PGK2: variants seen among roughly 807,000 people sequenced by gnomAD.
The protein encoded by PGK2 is phosphoglycerate kinase 2, also known as epididymis secretory protein Li 272.
Under a neutral mutation model 5.2 loss-of-function variants are expected in PGK2, and 5 were observed. The observed-to-expected ratio is 0.96, with a 90% CI of 0.50 to 2.01. The LOEUF (loss-of-function observed/expected upper bound fraction) is 2.01. PGK2 is among the 30% of genes most tolerant of loss of function. The pLI is 0.01. For synonymous variants in PGK2, 210 were observed against 182.6 expected (o/e 1.15, Z -1.21); for missense variants, 588 against 506.8 (o/e 1.16, Z -1.54).
rs778541738 is a variant in PGK2, at chr6:49,786,557, T to C, written c.631A>G (p.Ile211Val). 2 of 1,614,128 alleles carry C rather than the reference T, an allele frequency of 1.2e-6. No homozygotes were observed. Among genetic ancestry groups the C allele is most frequent in the Non-Finnish European group, 1.7e-6 (2 of 1,179,996 alleles). ...TCTGCCACTTTGGCTCCACCAAGTA[T>C]AGCCAGAAAGGGTCTCACTGGGTTT... is the stretch of plus-strand genomic sequence containing the variant. ...LENPVRPFLA[I>V]LGGAKVADKI... The change falls in exon 1 of 1, where the codon ATA (isoleucine) becomes GTA (valine). Residue 211 changes from isoleucine to valine, a missense_variant. Ile to Val is a conservative substitution (Grantham distance 29). Transcript: ENST00000304801.
Position 49,786,785 on chromosome 6 carries a change from G to T in PGK2, c.403C>A (p.Pro135Thr), listed in dbSNP as rs202129542. 76 of 1,613,978 alleles carry T rather than the reference G, an allele frequency of 4.7e-5. No individual in the cohort carries two copies. The highest frequency in any genetic ancestry group is 6.7e-5 in the African/African-American group (5 of 74,892). Residue 135 changes from proline (P) to threonine (T), a missense_variant, in exon 1 of 1, where the codon CCC becomes ACC. By Grantham distance (38) the Pro-to-Thr change is conservative. Coordinates refer to ENST00000304801, the MANE Select transcript of PGK2 (RefSeq NM_138733.5). ...TCAGCTTTAATCTTCTTTCCAGAGG[G>T]ATCTTGGCCCTTCCCTTCTTCCTCC... ...HVEEEGKGQD[P>T]SGKKIKAEPD...
rs200172498 is a variant in PGK2, at chr6:49,786,227, T to G, written c.961A>C (p.Asn321His). Residue 321 changes from asparagine (N) to histidine (H), a missense_variant, in exon 1 of 1, where the codon AAC (asparagine) becomes CAC (histidine). Physicochemically the swap from Asn to His is moderately conservative, Grantham distance 68. Transcript: ENST00000304801. The part of the protein sequence containing the change: ...WMGLDCGPES[N>H]KNHAQVVAQA... ...GCCACAACTTGAGCATGATTCTTGT[T>G]GCTCTCAGGACCACAGTCCAAACCC... is the stretch of plus-strand genomic sequence containing the variant. 8.9e-5 allele frequency: 143 copies of G among 1,614,096 alleles called. 1 individual carries two copies. Among genetic ancestry groups the G allele is most frequent in the Non-Finnish European group, 2.0e-5 (24 of 1,180,052 alleles).
chr6:49,786,276 T>A lies in PGK2; in HGVS notation c.912A>T (p.Ala304=). The A allele has an allele frequency of 1.9e-6, 3 of 1,614,204 alleles. No homozygotes were observed. Among genetic ancestry groups the A allele is most frequent in the Non-Finnish European group, 2.5e-6 (3 of 1,180,026 alleles). The change falls in exon 1 of 1, where the codon GCA becomes GCT. Residue 304 remains alanine, a synonymous_variant. Transcript: ENST00000304801. ...CCATCCAGCCAGGAGATATGCCAGA[T>A]GCTACAGTGGCTTTTCCAACCTGAG... ...ENAQVGKATV[A]SGISPGWMGL...
In PGK2 at chr6:49,786,568, G is replaced by T. The variant is rs1422451650; in HGVS notation, c.620C>A (p.Pro207His). 3.1e-6 allele frequency: 5 copies of T among 1,613,894 alleles called. No homozygotes were observed. Among genetic ancestry groups the T allele is most frequent in the Non-Finnish European group, 2.5e-6 (3 of 1,180,004 alleles). The change falls in exon 1 of 1, where the codon CCC (proline) becomes CAC (histidine). Residue 207 changes from proline to histidine, a missense_variant. Physicochemically the swap from Pro to His is moderately conservative, Grantham distance 77. Transcript: ENST00000304801. ...FAKALENPVR[P>H]FLAILGGAKV... Reference sequence around the variant, plus strand: ...GGCTCCACCAAGTATAGCCAGAAAGGGTCTCACTGGGTTTTCCAAGGCTTT... The same window carrying T: ...GGCTCCACCAAGTATAGCCAGAAAGTGTCTCACTGGGTTTTCCAAGGCTTT...
rs1408141071 is a variant in PGK2 at position 49,786,723 on chromosome 6, G to A, written c.465C>T (p.Ser155=). Residue 155 remains serine, a synonymous_variant, in exon 1 of 1, where the codon TCC becomes TCT. Coordinates refer to ENST00000304801, the MANE Select transcript of PGK2 (RefSeq NM_138733.5). The part of the protein sequence containing the change: ...DKIEAFRASL[S]KLGDVYVNDA... ...CATTGACATAGACGTCCCCTAGCTTGGAAAGTGATGCTCGGAAGGCTTCTA... is the reference window on the plus strand; with the variant it reads ...CATTGACATAGACGTCCCCTAGCTTAGAAAGTGATGCTCGGAAGGCTTCTA... 3 of 1,614,126 alleles carry A rather than the reference G, an allele frequency of 1.9e-6. No individual in the cohort carries two copies. Among genetic ancestry groups the A allele is most frequent in the Admixed American group, 1.7e-5 (1 of 60,004 alleles).
Position 49,785,669 on chromosome 6 carries a change from C to T in PGK2, c.*265G>A, listed in dbSNP as rs1199782865. ...AAAAAGATTCAGTTTCTTCAGCTCACTTTCTTTAATAGGCAACTTAAGAAT... is the reference window on the plus strand; with the variant it reads ...AAAAAGATTCAGTTTCTTCAGCTCATTTTCTTTAATAGGCAACTTAAGAAT... On this transcript the variant is annotated 3_prime_UTR_variant, in exon 1 of 1. Transcript: ENST00000304801. 5 of 364,876 alleles carry T rather than the reference C, an allele frequency of 1.4e-5. No homozygotes were observed. Among genetic ancestry groups the T allele is most frequent in the African/African-American group, 4.1e-5 (2 of 48,842 alleles). The allele number at this position is 364,876 out of a possible 1,614,324, so 22.6% of individuals were successfully genotyped here.
Position 49,786,572 on chromosome 6 carries a change from T to G in PGK2, c.616A>C (p.Arg206=), listed in dbSNP as rs1769911518. 5 of 1,614,188 alleles carry G rather than the reference T, an allele frequency of 3.1e-6. No individual in the cohort carries two copies. In the East Asian group the frequency reaches 8.9e-5, roughly 29 times the overall value. ...CCACCAAGTATAGCCAGAAAGGGTC[T>G]CACTGGGTTTTCCAAGGCTTTAGCA... is the stretch of plus-strand genomic sequence containing the variant. The part of the protein sequence containing the change: ...YFAKALENPV[R]PFLAILGGAK... The change falls in exon 1 of 1, where the codon AGA becomes CGA. Residue 206 remains arginine (R), a synonymous_variant. Transcript: ENST00000304801.
rs750660594 is a variant in PGK2, at chr6:49,786,536, C to T, written c.652G>A (p.Ala218Thr). 2 of 1,614,086 alleles carry T rather than the reference C, an allele frequency of 1.2e-6. No individual in the cohort carries two copies. Among genetic ancestry groups the T allele is most frequent in the East Asian group, 2.2e-5 (1 of 44,866 alleles). The change falls in exon 1 of 1, where the codon GCA becomes ACA. Residue 218 changes from alanine (A) to threonine (T), a missense_variant. By Grantham distance (58) the Ala-to-Thr change is moderately conservative. Coordinates refer to ENST00000304801, the MANE Select transcript of PGK2 (RefSeq NM_138733.5). Reference protein sequence around the residue: ...FLAILGGAKVADKIQLIKNML... With the variant: ...FLAILGGAKVTDKIQLIKNML... Reference sequence around the variant, plus strand: ...TTTTTGATAAGTTGGATCTTGTCTGCCACTTTGGCTCCACCAAGTATAGCC... The same window carrying T: ...TTTTTGATAAGTTGGATCTTGTCTGTCACTTTGGCTCCACCAAGTATAGCC...
Position 49,786,848 on chromosome 6 carries a change from C to A in PGK2, c.340G>T (p.Gly114Cys), listed in dbSNP as rs1359370366. The A allele has an allele frequency of 6.2e-7, 1 of 1,614,114 alleles. No homozygotes were observed. The highest frequency in any genetic ancestry group is 8.5e-7 in the Non-Finnish European group (1 of 1,180,006). Residue 114 changes from glycine to cysteine, a missense_variant, in exon 1 of 1, where the codon GGT (glycine) becomes TGT (cysteine). Transcript: ENST00000304801. The part of the protein sequence containing the change: ...VEKACANPAP[G>C]SVILLENLRF... ...AGGTTCTCCAGCAGGATGACTGAAC[C>A]AGGAGCTGGGTTGGCACAGGCTTTC...
In PGK2 at chr6:49,786,296, C is replaced by A; in HGVS notation, c.892G>T (p.Val298Phe). Residue 298 changes from valine to phenylalanine, a missense_variant, in exon 1 of 1, where the codon GTT (valine) becomes TTT (phenylalanine). Physicochemically the swap from Val to Phe is conservative, Grantham distance 50 (BLOSUM62 -1). Coordinates refer to ENST00000304801, the MANE Select transcript of PGK2 (RefSeq NM_138733.5). ...TGDKFDENAQ[V>F]GKATVASGIS... Reference sequence around the variant, plus strand: ...CCAGATGCTACAGTGGCTTTTCCAACCTGAGCGTTCTCGTCAAACTTGTCC... The same window carrying A: ...CCAGATGCTACAGTGGCTTTTCCAAACTGAGCGTTCTCGTCAAACTTGTCC... 1 of 1,614,148 alleles carries A rather than the reference C, an allele frequency of 6.2e-7. No homozygotes were observed. Among genetic ancestry groups the A allele is most frequent in the Non-Finnish European group, 8.5e-7 (1 of 1,180,000 alleles).
chr6:49,786,658 A>G lies in PGK2; in HGVS notation c.530T>C (p.Val177Ala), dbSNP rs1325533567. 68 of 1,613,980 alleles carry G rather than the reference A, an allele frequency of 4.2e-5. No individual in the cohort carries two copies. The highest frequency in any genetic ancestry group is 5.4e-5 in the Non-Finnish European group (64 of 1,180,030). ...GTAHRAHSSMVGVNLPHKASG... is the reference protein window; with the variant it reads ...GTAHRAHSSMAGVNLPHKASG... ...TGCTTTATGGGGCAGATTCACTCCC[A>G]CCATGGAACTATGAGCGCGGTGTGC... Residue 177 changes from valine (V) to alanine (A), a missense_variant, in exon 1 of 1, where the codon GTG (valine) becomes GCG (alanine). Transcript: ENST00000304801.
chr6:49,787,135 C>T lies in PGK2; in HGVS notation c.53G>A (p.Arg18Gln), dbSNP rs149194608. ...ATTGAAGTCTACTCTCATGATGACT[C>T]GCTTCCCTCTAACATCCAGTTTGTC... ...TLDKLDVRGK[R>Q]VIMRVDFNVP... The change falls in exon 1 of 1, where the codon CGA becomes CAA. Residue 18 changes from arginine to glutamine, a missense_variant. Arg to Gln is a conservative substitution (Grantham distance 43). Coordinates refer to ENST00000304801, the MANE Select transcript of PGK2 (RefSeq NM_138733.5). The T allele has an allele frequency of 3.8e-5, 62 of 1,613,302 alleles. 1 individual carries two copies. The Middle Eastern group carries it at 9.9e-4, about 26-fold the overall frequency.
Position 49,786,908 on chromosome 6 carries a change from G to T in PGK2, c.280C>A (p.Leu94Met), listed in dbSNP as rs1343221378. The change falls in exon 1 of 1, where the codon CTG becomes ATG. Residue 94 changes from leucine to methionine, a missense_variant. Physicochemically the swap from Leu to Met is conservative, Grantham distance 15. Transcript: ENST00000304801. ...GCGCCTACACAGTCCTTCAGGAACA[G>T]AACATCCTTGCCCAGCAAGGATTTG... Reference protein sequence around the residue: ...ELKSLLGKDVLFLKDCVGAEV... With the variant: ...ELKSLLGKDVMFLKDCVGAEV... 6.2e-7 allele frequency: 1 copy of T among 1,614,088 alleles called. No homozygotes were observed. The highest frequency in any genetic ancestry group is 1.1e-5 in the South Asian group (1 of 91,076).
In PGK2 at chr6:49,786,549, A is replaced by G; in HGVS notation, c.639T>C (p.Gly213=). The change falls in exon 1 of 1, where the codon GGT becomes GGC. Residue 213 remains glycine (G), a synonymous_variant. Coordinates refer to ENST00000304801, the MANE Select transcript of PGK2 (RefSeq NM_138733.5). ...GGATCTTGTCTGCCACTTTGGCTCC[A>G]CCAAGTATAGCCAGAAAGGGTCTCA... ...NPVRPFLAIL[G]GAKVADKIQL... The G allele has an allele frequency of 6.2e-7, 1 of 1,614,120 alleles. No homozygotes were observed. The highest frequency in any genetic ancestry group is 8.5e-7 in the Non-Finnish European group (1 of 1,180,020).
rs762039359 is a variant in PGK2 at position 49,786,448 on chromosome 6, A to G, written c.740T>C (p.Val247Ala). The change falls in exon 1 of 1, where the codon GTA (valine) becomes GCA (alanine). Residue 247 changes from valine to alanine, a missense_variant. Coordinates refer to ENST00000304801, the MANE Select transcript of PGK2 (RefSeq NM_138733.5). ...GGGMAYTFLK[V>A]LNNMEIGASL... is the part of the protein sequence containing the mutation. ...AGCACCAATCTCCATGTTGTTGAGT[A>G]CCTTAAGGAAGGTATAAGCCATTCC... 1.2e-6 allele frequency: 2 copies of G among 1,614,008 alleles called. No individual in the cohort carries two copies. The highest frequency in any genetic ancestry group is 1.7e-6 in the Non-Finnish European group (2 of 1,180,004).
At position 49,787,181 on chromosome 6, in the gene PGK2, G is replaced by C; in HGVS notation, c.7C>G (p.Leu3Val). 6.2e-7 allele frequency: 1 copy of C among 1,610,436 alleles called. No individual in the cohort carries two copies. Among genetic ancestry groups the C allele is most frequent in the African/African-American group, 1.3e-5 (1 of 74,918 alleles). The change falls in exon 1 of 1, where the codon CTT (leucine) becomes GTT (valine). Residue 3 changes from leucine (L) to valine (V), a missense_variant. Leu to Val is a conservative substitution (Grantham distance 32). Transcript: ENST00000304801. ...TTGTCTAAAGTCAACTTCTTAGAAA[G>C]AGACATCTTGACAATATAAAGACAT... MS[L>V]SKKLTLDKLD...
Position 49,785,744 on chromosome 6 carries a change from A to G in PGK2, c.*190T>C, listed in dbSNP as rs1225414981. The G allele has an allele frequency of 1.7e-6, 1 of 582,060 alleles. No homozygotes were observed. Among genetic ancestry groups the G allele is most frequent in the African/African-American group, 1.9e-5 (1 of 53,680 alleles). 36.1% of individuals were successfully genotyped at this position (582,060 alleles called of 1,614,324 possible). ...GTGAAGTTCAAATGAGAACTTGAAC[A>G]GGCAAATGCGTGACCAAACTAAAAT... is the stretch of plus-strand genomic sequence containing the variant. On this transcript the variant is annotated 3_prime_UTR_variant, in exon 1 of 1. Coordinates refer to ENST00000304801, the MANE Select transcript of PGK2 (RefSeq NM_138733.5).
At position 49,786,411 on chromosome 6, in the gene PGK2, A is replaced by C; in HGVS notation, c.777T>G (p.Asp259Glu). 6.2e-7 allele frequency: 1 copy of C among 1,613,974 alleles called. No individual in the cohort carries two copies. Among genetic ancestry groups the C allele is most frequent in the South Asian group, 1.1e-5 (1 of 91,074 alleles). The change falls in exon 1 of 1, where the codon GAT (aspartate) becomes GAG (glutamate). Residue 259 changes from aspartate to glutamate, a missense_variant. Physicochemically the swap from Asp to Glu is conservative, Grantham distance 45 (BLOSUM62 2). Coordinates refer to ENST00000304801, the MANE Select transcript of PGK2 (RefSeq NM_138733.5). ...CTTTAACGATCTTGGCTCCCTCTTC[A>C]TCAAACAGGGAAGCACCAATCTCCA... ...NNMEIGASLF[D>E]EEGAKIVKDI...
chr6:49,786,161 A>G lies in PGK2; in HGVS notation c.1027T>C (p.Phe343Leu). 6.2e-7 allele frequency: 1 copy of G among 1,613,984 alleles called. No homozygotes were observed. Among genetic ancestry groups the G allele is most frequent in the Non-Finnish European group, 8.5e-7 (1 of 1,179,994 alleles). ...CCCTTAGCAAAGGCATCCCATTCAA[A>G]TACTCCTAACGGCCCATTCCAAACA... ...LIVWNGPLGV[F>L]EWDAFAKGTK... Residue 343 changes from phenylalanine to leucine, a missense_variant, in exon 1 of 1, where the codon TTT (phenylalanine) becomes CTT (leucine). Coordinates refer to ENST00000304801, the MANE Select transcript of PGK2 (RefSeq NM_138733.5).
Sources: allele counts gnomAD v4.1 joint callset, GRCh38; gene constraint gnomAD v4.1.1; transcripts MANE v1.5; gene names NCBI Gene and HGNC (gene_info 2026-07-23, HGNC 2026-07-21).